The following CACNG6 variants were observed in gnomAD, a reference collection of about 807,000 sequenced individuals.
CACNG6 encodes the protein voltage-dependent calcium channel gamma-6 subunit.
CACNG6 carries 21 observed loss-of-function variants against 23.9 expected under a neutral mutation model. The ratio of observed to expected loss-of-function variants is 0.88; its 90% CI spans 0.62 to 1.26. CACNG6 has a LOEUF of 1.26. Among genes scored for constraint, CACNG6 ranks in the 50% most tolerant of loss-of-function variants. CACNG6 has a pLI of 0.00. For missense variants in CACNG6, 340 were observed against 352.9 expected (o/e 0.96, Z 0.29); for synonymous variants, 182 against 168.9 (o/e 1.08, Z -0.60).
chr19:53,993,186 CG>C lies in CACNG6; in HGVS notation c.311del (p.Gly104AlafsTer34). ...ACGTGCCCGTGGACAGGGACACCTG[CG>C]GCCCCGCGGAGCTGCCCGGAGGTGA... ...ADVPVDRDTC[G>X]PAELPGEANC... On this transcript the variant is annotated frameshift_variant, in exon 1 of 4. Coordinates refer to ENST00000252729, the MANE Select transcript of CACNG6 (RefSeq NM_145814.2). LOFTEE classifies it high-confidence loss of function. 6.5e-7 allele frequency: 1 copy of C among 1,541,890 alleles called. No homozygotes were observed. The highest frequency in any genetic ancestry group is 8.7e-7 in the Non-Finnish European group (1 of 1,145,790).
intron 1 of CACNG6, among the ~76,000 whole-genome samples, chr19:53,993,935 T>C (rs915494343): frequency 1.3e-5 from 2 of 152,030 alleles, no homozygotes; most frequent in Non-Finnish European, 2.9e-5. Flanking sequence ...AAATCTTGCC[T>C]GTGTCCCCAG....
intron 3 of CACNG6, among the ~76,000 whole-genome samples, chr19:54,008,652 C>T (rs1309558643): frequency 1.3e-5 from 2 of 152,206 alleles, no homozygotes; most frequent in African/African-American, 2.4e-5. Context: ...ACAGGACCCT[C>T]GCGTCAGCAC....
In CACNG6 at chr19:54,012,294, T is replaced by G; in HGVS notation, c.*105T>G. The G allele has an allele frequency of 1.9e-6, 1 of 515,580 alleles. No individual in the cohort carries two copies. The highest frequency in any genetic ancestry group is 3.3e-6 in the Non-Finnish European group (1 of 300,402). The allele number at this position is 515,580 out of a possible 1,614,324, so 31.9% of individuals were successfully genotyped here. A position where few individuals can be genotyped will look rare whatever the true frequency, so the allele number is the denominator to read the frequency against. ...TCTCCTAGAGAAACTGTGTTCTCCC[T>G]GCTCGGGGGCCCATGTTTTTTTACA... On this transcript the variant is annotated 3_prime_UTR_variant, in exon 4 of 4. Transcript: ENST00000252729.
intron 3 of CACNG6, among the ~76,000 whole-genome samples, chr19:54,004,094 C>T (rs941090554): frequency 6.6e-6 from 1 of 152,074 alleles, no homozygotes; most frequent in African/African-American, 2.4e-5. Context: ...TGGACTCAAG[C>T]AGTCCTCTCG....
intron 3 of CACNG6, among the ~76,000 whole-genome samples, chr19:54,005,253 T>TAAATAAATAAATAAATAAA: frequency 1.7e-5 from 1 of 58,248 alleles, no homozygotes; most frequent in South Asian, 5.0e-4. Context: ...AAATAAATAA[T>TAAATAAATAAATAAATAAA]AATAAAAGAA....
chr19:53,999,822 C>T, intron 3 of CACNG6, 51 bp downstream of exon 3: 1 of 1,599,804 alleles, frequency 6.3e-7, no homozygotes, highest in Non-Finnish European at 8.5e-7. Flanking sequence ...GGGAGGATCT[C>T]CAGGCACTGT....
At chr19:54,011,273 G>A (rs1416758760) in intron 3 of CACNG6, among the ~76,000 whole-genome samples, 1 of 143,482 alleles carries the variant, frequency 7.0e-6, no homozygotes, top group African/African-American at 2.6e-5. Flanking sequence ...GGTAGCGCAC[G>A]TGTGTAATCC....
intron 3 of CACNG6, among the ~76,000 whole-genome samples, chr19:54,006,401 G>A (rs973075331): frequency 1.3e-4 from 19 of 151,900 alleles, no homozygotes; most frequent in African/African-American, 3.4e-4. Context: ...AGACCAACGC[G>A]TCCACAGGGA....
At chr19:54,003,382 A>G (rs2069600271) in intron 3 of CACNG6, among the ~76,000 whole-genome samples, 1 of 152,022 alleles carries the variant, frequency 6.6e-6, no homozygotes, top group African/African-American at 2.4e-5. Flanking sequence ...TTTATTTTTG[A>G]GACAGTTTTG....
intron 3 of CACNG6, among the ~76,000 whole-genome samples, chr19:54,010,893 T>C (rs2069699238): frequency 6.6e-6 from 1 of 151,578 alleles, no homozygotes; most frequent in African/African-American, 2.4e-5. Flanking sequence ...CTCTTTTATT[T>C]TTAGTTGACA....
intron 3 of CACNG6, among the ~76,000 whole-genome samples, chr19:54,005,276 A>G (rs1037790081): frequency 3.4e-5 from 5 of 145,696 alleles, no homozygotes; most frequent in African/African-American, 1.3e-4. Flanking sequence ...AGCACGTGAG[A>G]GAAACTGGGC....
intron 3 of CACNG6, among the ~76,000 whole-genome samples, chr19:54,008,803 A>G (rs2069674030): frequency 1.3e-5 from 2 of 151,796 alleles, no homozygotes; most frequent in African/African-American, 2.4e-5. Context: ...CTCTGTTTCT[A>G]TTTCCTTCCT....
intron 1 of CACNG6, among the ~76,000 whole-genome samples, chr19:53,996,397 C>T: frequency 8.9e-6 from 1 of 112,218 alleles, no homozygotes; most frequent in African/African-American, 3.2e-5. Context: ...TTCTCTCTCT[C>T]TCTTTTTTTT....
intron 3 of CACNG6, among the ~76,000 whole-genome samples, chr19:54,009,954 T>G (rs1209980028): frequency 1.3e-5 from 2 of 151,668 alleles, no homozygotes; most frequent in Non-Finnish European, 2.9e-5. Flanking sequence ...AAAATTGCAT[T>G]GCAATATGAC....
At chr19:54,008,489 T>G (rs2069670402) in intron 3 of CACNG6, among the ~76,000 whole-genome samples, 1 of 152,156 alleles carries the variant, frequency 6.6e-6, no homozygotes, top group Non-Finnish European at 1.5e-5. Flanking sequence ...CTGGGATCCA[T>G]GACTCATGCG....
intron 3 of CACNG6, among the ~76,000 whole-genome samples, chr19:54,004,794 G>A (rs1340057389): frequency 1.3e-5 from 2 of 152,092 alleles, no homozygotes; most frequent in East Asian, 1.9e-4. Flanking sequence ...CACGTGTCTC[G>A]TTTCCTCGCA....
intron 3 of CACNG6, among the ~76,000 whole-genome samples, chr19:54,003,679 T>C (rs953697104): frequency 1.2e-4 from 18 of 152,186 alleles, no homozygotes; most frequent in African/African-American, 4.1e-4. Flanking sequence ...GCAAATTCTA[T>C]TGGCACTGCT....
intron 1 of CACNG6, among the ~76,000 whole-genome samples, chr19:53,994,974 T>C (rs564095081): frequency 6.6e-6 from 1 of 152,288 alleles, no homozygotes; most frequent in East Asian, 1.9e-4. Context: ...CTCATCTCAG[T>C]GTTTTATGTA....
intron 2 of CACNG6, 97 bp from the exon 3 acceptor site, chr19:53,999,537 G>A (rs158199): frequency 0.15 from 206,398 of 1,418,624 alleles, 17,581 homozygotes; most frequent in African/African-American, 0.36. Flanking sequence ...CTCTCGTCCC[G>A]AATCTTACAT....
Sources: gnomAD v4.1 joint callset for allele counts (sites outside exome capture counted in the v4.1 genomes callset) on GRCh38, gnomAD v4.1.1 for gene constraint, MANE v1.5 for transcripts, NCBI Gene and HGNC (gene_info 2026-07-23, HGNC 2026-07-21) for gene names.